ASPSCR1: variants seen among roughly 807,000 people sequenced by gnomAD.
ASPSCR1 encodes tether containing UBX domain for GLUT4.
A neutral mutation model predicts 68.9 loss-of-function variants in ASPSCR1; 55 were observed. That is an observed-to-expected ratio of 0.80 (90% CI 0.64 to 1.00). The LOEUF (loss-of-function observed/expected upper bound fraction) is 1.00, where lower values mean the gene tolerates loss of function less well. Ranked by LOEUF, ASPSCR1 falls within the 50% of genes least tolerant of loss-of-function variation. ASPSCR1 has a pLI of 0.00. For missense variants in ASPSCR1, 765 were observed against 762.2 expected, an observed-to-expected ratio of 1.00 and a Z score of -0.04; for synonymous variants, 352 against 332.6, an observed-to-expected ratio of 1.06 and a Z score of -0.63.
At chr17:82,000,086 C>A (rs942340365) in intron 7 of ASPSCR1, among the ~76,000 whole-genome samples, 2 of 152,228 alleles carry the variant, frequency 1.3e-5, no homozygotes, top group Admixed American at 6.5e-5. Context: ...CCCCTCGACC[C>A]GTGTGCTCCG....
At chr17:81,997,219 G>A (rs1473669792) in intron 7 of ASPSCR1, among the ~76,000 whole-genome samples, 3 of 135,254 alleles carry the variant, frequency 2.2e-5, no homozygotes, top group East Asian at 2.0e-4. Context: ...GAGCAGGGCC[G>A]CCCTGGGGTG....
At chr17:81,984,874 G>GCACACACACCCCC (rs1409679532) in intron 3 of ASPSCR1, among the ~76,000 whole-genome samples, 1 of 19,346 alleles carries the variant, frequency 5.2e-5, no homozygotes, top group East Asian at 1.5e-3. Flanking sequence ...GCACACCCCC[G>GCACACACACCCCC]CACACACACC....
intron 6 of ASPSCR1, 108 bp downstream of exon 6, chr17:81,996,173 G>GC: frequency 7.3e-7 from 1 of 1,368,012 alleles, no homozygotes; most frequent in Non-Finnish European, 9.7e-7. Context: ...GTGTACCCAG[G>GC]CCCTCATCAT....
intron 4 of ASPSCR1, among the ~76,000 whole-genome samples, chr17:81,991,140 G>T (rs2042147516): frequency 6.6e-6 from 1 of 152,204 alleles, no homozygotes. Flanking sequence ...CCGTGAGGGA[G>T]CAGGGTGGGC....
Position 81,995,873 on chromosome 17 carries a change from G to C in ASPSCR1, c.433-119G>C, listed in dbSNP as rs904759988. 3 of 935,476 alleles carry C rather than the reference G, an allele frequency of 3.2e-6. No individual in the cohort carries two copies. The African/African-American group carries it at 4.9e-5, about 15-fold the overall frequency. The allele number at this position is 935,476 out of a possible 1,614,324, so 57.9% of individuals were successfully genotyped here. A position where few individuals can be genotyped will look rare whatever the true frequency, so the allele number is the denominator to read the frequency against. On this transcript the variant is annotated intron_variant, in intron 5 of 15. Coordinates refer to ENST00000306739, the MANE Select transcript of ASPSCR1 (RefSeq NM_024083.4). ...AGGGGCCAGATGTGGGGGGTGGGTA[G>C]GATGGAGGCCAGAGAGGGCACGTGG... is the stretch of plus-strand genomic sequence containing the variant.
chr17:81,982,265 A>G (rs2143993913), intron 2 of ASPSCR1, among the ~76,000 whole-genome samples: 1 of 152,248 alleles, frequency 6.6e-6, no homozygotes, highest in East Asian at 1.9e-4. Flanking sequence ...CACCGCGCCC[A>G]GCGCATTGTT....
intron 12 of ASPSCR1, chr17:82,015,212 T>G (rs1421790566): frequency 6.3e-7 from 1 of 1,598,036 alleles, no homozygotes; most frequent in Non-Finnish European, 8.5e-7. Context: ...TTTTTTGGGG[T>G]CCATCCAGAG....
At chr17:82,015,633 A>T in intron 12 of ASPSCR1, 1 of 518,908 alleles carries the variant, frequency 1.9e-6, no homozygotes. Context: ...CTGTGCCCAC[A>T]GCAGCCTCTG....
At chr17:82,015,269 C>T (rs760664436) in intron 12 of ASPSCR1, 26 of 1,598,150 alleles carry the variant, frequency 1.6e-5, no homozygotes, top group Middle Eastern at 1.6e-4. Context: ...ACCCAGTCTG[C>T]CGACCCTCCT....
rs1299608409 is a variant in ASPSCR1, at chr17:81,977,827, C to T, written c.102+79C>T. 6 of 1,103,534 alleles carry T rather than the reference C, an allele frequency of 5.4e-6. No homozygotes were observed. The highest frequency in any genetic ancestry group is 6.8e-6 in the Non-Finnish European group (6 of 881,816). 68.4% of individuals were successfully genotyped at this position (1,103,534 alleles called of 1,614,324 possible). A position where few individuals can be genotyped will look rare whatever the true frequency, so the allele number is the denominator to read the frequency against. ...AGGCCCCGCCCATTGCGGTCGGCGT[C>T]CCGGTGTTCGGGGGCGGGGCCTCGG... On this transcript the variant is annotated intron_variant, in intron 1 of 15. Transcript: ENST00000306739. This position sits in a 1 kb window ranked among gnomAD's most constrained non-coding sequence, Gnocchi z 5.0.
chr17:81,986,286 A>G lies in ASPSCR1; in HGVS notation c.374+679A>G, dbSNP rs1215988313. On this transcript the variant is annotated intron_variant, in intron 4 of 15. Transcript: ENST00000306739. The surrounding 1 kb of genome is among the most constrained non-coding windows in gnomAD (Gnocchi z 5.2). The stretch of plus-strand genomic sequence containing the variant: ...AAAAAATAGAAATGTTAGGCCAGGC[A>G]TAGTGCATGGTGGTGCGTGCCTGTG... Among the ~76,000 whole-genome samples, 1 of 152,102 alleles carries G rather than the reference A, an allele frequency of 6.6e-6. No individual in the cohort carries two copies.
At chr17:82,000,721 G>A (rs1178264060) in intron 7 of ASPSCR1, among the ~76,000 whole-genome samples, 6 of 152,354 alleles carry the variant, frequency 3.9e-5, no homozygotes, top group East Asian at 1.9e-4. Context: ...AGACCCGGGC[G>A]GTTCCTGCCT....
chr17:81,998,890 G>A (rs562542215), intron 7 of ASPSCR1, among the ~76,000 whole-genome samples: 2 of 152,350 alleles, frequency 1.3e-5, no homozygotes, highest in African/African-American at 4.8e-5. Context: ...GCAGGCAGGC[G>A]GCCAGGTGCT....
intron 6 of ASPSCR1, 130 bp from the exon 7 acceptor site, chr17:81,996,290 G>A: frequency 6.9e-7 from 1 of 1,447,032 alleles, no homozygotes; most frequent in Non-Finnish European, 9.1e-7. Flanking sequence ...AGGGCGCATG[G>A]GGCAGGAGAG....
chr17:81,994,558 A>T (rs2144037784), intron 4 of ASPSCR1, among the ~76,000 whole-genome samples: 1 of 152,162 alleles, frequency 6.6e-6, no homozygotes, highest in East Asian at 1.9e-4. Flanking sequence ...CCGAGACTGG[A>T]GGTCTCGGGG....
At position 81,983,479 on chromosome 17, in the gene ASPSCR1, G is replaced by A. The variant is rs1262704071; in HGVS notation, c.159-75G>A. The A allele has an allele frequency of 1.4e-5, 18 of 1,245,396 alleles. No individual in the cohort carries two copies. Among genetic ancestry groups the A allele is most frequent in the South Asian group, 3.9e-5 (3 of 77,184 alleles). The allele number at this position is 1,245,396 out of a possible 1,614,324, so 77.1% of individuals were successfully genotyped here. ...GATGGCGGGGCGTGGATGGTGGGAC[G>A]GGGATGGCGGGGCGTGGATGGCAGG... On this transcript the variant is annotated intron_variant, in intron 2 of 15. Coordinates refer to ENST00000306739, the MANE Select transcript of ASPSCR1 (RefSeq NM_024083.4). This position sits in a 1 kb window ranked among gnomAD's most constrained non-coding sequence, Gnocchi z 4.4.
Position 82,011,586 on chromosome 17 carries a change from C to G in ASPSCR1, c.1281C>G (p.Pro427=), listed in dbSNP as rs377597070. 1.4e-5 allele frequency: 22 copies of G among 1,591,614 alleles called. No homozygotes were observed. In the Admixed American group the frequency reaches 1.7e-4, roughly 12 times the overall value. ...TCGTGAGGAGCCACCTGGGGAACCC[C>G]GAGCTGTCATTTTACCTGTGTACGT... The part of the protein sequence containing the change: ...RDFVRSHLGN[P]ELSFYLFITP... The change falls in exon 11 of 16, where the codon CCC becomes CCG. Residue 427 remains proline (P), a synonymous_variant. Transcript: ENST00000306739.
At position 82,015,500 on chromosome 17, in the gene ASPSCR1, T is replaced by A. The variant is rs960370588; in HGVS notation, c.1354-976T>A. Reference sequence around the variant, plus strand: ...TTCTGTGCGTCCCGTGGGGCAGTGCTGGTTGGGGGTCCTGGCCTGTGGGGG... The same window carrying A: ...TTCTGTGCGTCCCGTGGGGCAGTGCAGGTTGGGGGTCCTGGCCTGTGGGGG... On this transcript the variant is annotated intron_variant, in intron 12 of 15. Coordinates refer to ENST00000306739, the MANE Select transcript of ASPSCR1 (RefSeq NM_024083.4). 9 of 1,104,660 alleles carry A rather than the reference T, an allele frequency of 8.1e-6. No homozygotes were observed. The African/African-American group carries it at 1.4e-4, about 17-fold the overall frequency. The allele number at this position is 1,104,660 out of a possible 1,614,324, so 68.4% of individuals were successfully genotyped here.
chr17:82,010,344 A>G (rs534008960), intron 9 of ASPSCR1, among the ~76,000 whole-genome samples: 482 of 151,424 alleles, frequency 3.2e-3, no homozygotes, highest in African/African-American at 0.011. Flanking sequence ...CCTGGCTGAC[A>G]CGGTGAAACC....
Sources: gnomAD v4.1 joint callset for allele counts (sites outside exome capture counted in the v4.1 genomes callset) on GRCh38, gnomAD v4.1.1 for gene constraint, Gnocchi (gnomAD v3.1) non-coding constraint, MANE v1.5 for transcripts, NCBI Gene and HGNC (gene_info 2026-07-23, HGNC 2026-07-21) for gene names.